NCKAP5: variants seen among roughly 807,000 people sequenced by gnomAD.
The protein encoded by NCKAP5 is nck-associated protein 5.
Under a neutral mutation model 167.0 loss-of-function variants are expected in NCKAP5, and 92 were observed. That is an observed-to-expected ratio of 0.55 (90% CI 0.47 to 0.66). The LOEUF is 0.66. NCKAP5 is among the 30% of genes least tolerant of loss of function. NCKAP5 has a pLI of 0.00. For synonymous variants in NCKAP5, 891 were observed against 877.4 expected, an observed-to-expected ratio of 1.02 and a Z score of -0.27; for missense variants, 2,378 against 2,315.0, an observed-to-expected ratio of 1.03 and a Z score of -0.56.
At chr2:133,516,556 A>G (rs1199166009) in intron 3 of NCKAP5, among the ~76,000 whole-genome samples, 1 of 152,238 alleles carries the variant, frequency 6.6e-6, no homozygotes. Context: ...TCAGCCGCTA[A>G]GAGGTAAATA....
chr2:132,775,112 T>C (rs1189148058), intron 15 of NCKAP5, among the ~76,000 whole-genome samples: 1 of 152,182 alleles, frequency 6.6e-6, no homozygotes, highest in East Asian at 1.9e-4. Context: ...TGCAATGCAA[T>C]GGGTGTCCCG....
At chr2:133,184,298 T>C (rs1174575655) in intron 5 of NCKAP5, among the ~76,000 whole-genome samples, 1 of 152,178 alleles carries the variant, frequency 6.6e-6, no homozygotes, top group Non-Finnish European at 1.5e-5. Flanking sequence ...AACATGATTT[T>C]GTTCATTTTT....
intron 3 of NCKAP5, among the ~76,000 whole-genome samples, chr2:133,317,657 G>A (rs1231990042): frequency 6.6e-6 from 1 of 152,142 alleles, no homozygotes; most frequent in Admixed American, 6.5e-5. Flanking sequence ...TTCGCCAGCT[G>A]TAGCCGACTT....
intron 6 of NCKAP5, among the ~76,000 whole-genome samples, chr2:133,026,287 T>G (rs2078695777): frequency 6.6e-6 from 1 of 152,170 alleles, no homozygotes; most frequent in Non-Finnish European, 1.5e-5. Context: ...TCTCCCATTC[T>G]GTAGGTTGTT....
intron 5 of NCKAP5, among the ~76,000 whole-genome samples, chr2:133,160,041 A>G (rs1247423483): frequency 6.6e-6 from 1 of 152,224 alleles, no homozygotes; most frequent in Non-Finnish European, 1.5e-5. Flanking sequence ...TAGCTTTTAC[A>G]TAGCAATTTG....
At chr2:133,471,838 A>C (rs1167513575) in intron 3 of NCKAP5, among the ~76,000 whole-genome samples, 1 of 152,174 alleles carries the variant, frequency 6.6e-6, no homozygotes, top group Non-Finnish European at 1.5e-5. Context: ...GAGATGATGC[A>C]AGCCATCCCT....
chr2:133,196,125 G>T (rs1350145339), intron 5 of NCKAP5, among the ~76,000 whole-genome samples: 1 of 152,070 alleles, frequency 6.6e-6, no homozygotes, highest in Non-Finnish European at 1.5e-5. Context: ...CTCGTGTGTT[G>T]GTTTAGAATC....
At chr2:132,719,957 A>T (rs1689753885) in intron 19 of NCKAP5, among the ~76,000 whole-genome samples, 2 of 152,218 alleles carry the variant, frequency 1.3e-5, no homozygotes, top group South Asian at 4.1e-4. Context: ...TTGGTGACAC[A>T]CAGCCAGGTA....
chr2:132,898,556 T>C (rs191728601), intron 8 of NCKAP5, among the ~76,000 whole-genome samples: 2 of 152,360 alleles, frequency 1.3e-5, no homozygotes, highest in African/African-American at 4.8e-5. Flanking sequence ...AATAGCCTTA[T>C]AAAATGTCAC....
At chr2:133,407,123 G>A (rs1688489464) in intron 3 of NCKAP5, among the ~76,000 whole-genome samples, 1 of 152,194 alleles carries the variant, frequency 6.6e-6, no homozygotes, top group Non-Finnish European at 1.5e-5. Flanking sequence ...CTTGTAATGG[G>A]GAATGTTTAT....
chr2:133,427,510 T>G (rs1319120639), intron 3 of NCKAP5, among the ~76,000 whole-genome samples: 1 of 152,166 alleles, frequency 6.6e-6, no homozygotes, highest in Non-Finnish European at 1.5e-5. Flanking sequence ...GAGCAAAATA[T>G]AAACATTTTC....
chr2:133,284,841 C>T (rs914204944), intron 4 of NCKAP5: 1 of 152,318 alleles, frequency 6.6e-6, no homozygotes, highest in East Asian at 1.9e-4. Flanking sequence ...ACATCCTGAA[C>T]CTCTGAACTT....
At position 132,782,437 on chromosome 2, in the gene NCKAP5, C is replaced by T. The variant is rs1369905010; in HGVS notation, c.4374G>A (p.Ala1458=). ...SGRHPDASAT[A]TDAVSSEAPL... Reference sequence around the variant, plus strand: ...GGGCTTCTGAACTCACAGCATCAGTCGCGGTTGCAGAGGCATCTGGATGCC... The same window carrying T: ...GGGCTTCTGAACTCACAGCATCAGTTGCGGTTGCAGAGGCATCTGGATGCC... Residue 1458 remains alanine (A), a synonymous_variant, in exon 14 of 20, where the codon GCG becomes GCA. Transcript: ENST00000409261. The T allele has an allele frequency of 6.8e-6, 11 of 1,613,844 alleles. No homozygotes were observed. Among genetic ancestry groups the T allele is most frequent in the East Asian group, 6.7e-5 (3 of 44,884 alleles).
At chr2:132,864,685 A>G (rs1690201184) in intron 10 of NCKAP5, among the ~76,000 whole-genome samples, 1 of 152,224 alleles carries the variant, frequency 6.6e-6, no homozygotes, top group Non-Finnish European at 1.5e-5. Context: ...TACATTTTTT[A>G]AAATGCTGAT....
chr2:133,307,317 A>G (rs1237253950), intron 3 of NCKAP5, among the ~76,000 whole-genome samples: 4 of 152,240 alleles, frequency 2.6e-5, no homozygotes, highest in Non-Finnish European at 1.5e-5. Flanking sequence ...CAGTTTGTCA[A>G]ACAATGATAG....
intron 4 of NCKAP5, among the ~76,000 whole-genome samples, chr2:133,257,404 A>G (rs2088670315): frequency 2.0e-5 from 3 of 152,350 alleles, no homozygotes; most frequent in Admixed American, 2.0e-4. Context: ...GAATGGAGAG[A>G]AGCAAATACA....
At chr2:132,960,059 G>A (rs932428143) in intron 8 of NCKAP5, among the ~76,000 whole-genome samples, 7 of 152,076 alleles carry the variant, frequency 4.6e-5, no homozygotes, top group South Asian at 2.1e-4. Flanking sequence ...GAGGGTAAAC[G>A]GTCTACTCTT....
chr2:133,107,557 T>C (rs11887605), intron 6 of NCKAP5, among the ~76,000 whole-genome samples: 9,018 of 152,246 alleles, frequency 0.059, 585 homozygotes, highest in African/African-American at 0.16. Context: ...GCAGTCCATC[T>C]GCATGGAGTG....
intron 11 of NCKAP5, among the ~76,000 whole-genome samples, chr2:132,811,650 AG>A (rs1300921969): frequency 6.6e-6 from 1 of 151,434 alleles, no homozygotes; most frequent in East Asian, 1.9e-4. Context: ...GTCTGTTTCC[AG>A]GCGGAAGGTG....
Sources: allele counts gnomAD v4.1 joint callset (sites outside exome capture counted in the v4.1 genomes callset), GRCh38; gene constraint gnomAD v4.1.1; transcripts MANE v1.5; gene names NCBI Gene and HGNC (gene_info 2026-07-23, HGNC 2026-07-21).